Variants in PCDHA4 observed in about 807,000 individuals in gnomAD.
PCDHA4 encodes the protein protocadherin alpha-4.
PCDHA4 carries 49 observed loss-of-function variants against 61.4 expected under a neutral mutation model. That is an observed-to-expected ratio of 0.80 (90% CI 0.63 to 1.01). The LOEUF (loss-of-function observed/expected upper bound fraction) is 1.01. PCDHA4 is among the 50% of genes least tolerant of loss of function. The pLI is 0.00. For synonymous variants in PCDHA4, 590 were observed against 550.3 expected (o/e 1.07, Z -1.01); for missense variants, 1,254 against 1,235.8 (o/e 1.01, Z -0.22).
intron 1 of PCDHA4, chr5:140,823,149 G>A: frequency 1.2e-6 from 2 of 1,613,920 alleles, no homozygotes; most frequent in Non-Finnish European, 1.7e-6. Context: ...CGCAGCCCCA[G>A]TATACCGTGT....
At chr5:140,826,012 A>G (rs1554130428) in intron 1 of PCDHA4, among the ~76,000 whole-genome samples, 3 of 152,212 alleles carry the variant, frequency 2.0e-5, no homozygotes, top group Non-Finnish European at 4.4e-5. Context: ...CACACTTTAC[A>G]TGATAAAATG....
chr5:140,856,448 G>GT (rs1562509895), intron 1 of PCDHA4: 1 of 1,598,390 alleles, frequency 6.3e-7, no homozygotes, highest in East Asian at 2.2e-5. Flanking sequence ...CAGGTTCTCC[G>GT]TAACAGAACA....
At chr5:140,989,325 G>A (rs1389327103) in intron 3 of PCDHA4, among the ~76,000 whole-genome samples, 5 of 152,164 alleles carry the variant, frequency 3.3e-5, no homozygotes, top group African/African-American at 1.2e-4. Flanking sequence ...CACCAACTTT[G>A]CCACCTGACT....
chr5:140,875,218 C>T (rs2055357705), intron 1 of PCDHA4: 1 of 744,910 alleles, frequency 1.3e-6, no homozygotes, highest in South Asian at 3.4e-5. Flanking sequence ...CGAAAAGAAC[C>T]TCAGGATCTT....
chr5:140,928,513 A>AT (rs1563106002), intron 1 of PCDHA4: 1 of 1,614,182 alleles, frequency 6.2e-7, no homozygotes, highest in South Asian at 1.1e-5. Flanking sequence ...AACAGTGACT[A>AT]TAAACTTGTT....
At chr5:140,947,769 A>G (rs2094173274) in intron 1 of PCDHA4, among the ~76,000 whole-genome samples, 1 of 151,626 alleles carries the variant, frequency 6.6e-6, no homozygotes, top group South Asian at 2.1e-4. Context: ...AAAAAATTCT[A>G]TTGTAAATGG....
In PCDHA4 at chr5:141,005,071, G is replaced by A. The variant is rs115656219; in HGVS notation, c.2534-4556G>A. On this transcript the variant is annotated intron_variant, in intron 3 of 3. Coordinates refer to ENST00000530339, the MANE Select transcript of PCDHA4 (RefSeq NM_018907.4). ...TACTGAATTCTTGCATTGTGCTAAG[G>A]ATCAAGCTTAGTACTTTACATGCAT... 5.2e-3 allele frequency among the ~76,000 whole-genome samples: 796 copies of A among 152,278 alleles called. 8 individuals are homozygous for A. The highest frequency in any genetic ancestry group is 0.018 in the African/African-American group (745 of 41,556).
intron 1 of PCDHA4, among the ~76,000 whole-genome samples, chr5:140,826,052 T>C (rs2150142347): frequency 8.5e-5 from 13 of 152,216 alleles, no homozygotes; most frequent in Non-Finnish European, 1.8e-4. Flanking sequence ...GCTTTGCCTG[T>C]TTCTTTTATT....
chr5:140,928,513 A>G lies in PCDHA4; in HGVS notation c.2386-50436A>G, dbSNP rs781867292. On this transcript the variant is annotated intron_variant, in intron 1 of 3. Transcript: ENST00000530339. ...TCCTCCCAGAAGTGCAACAGTGACTATAAACTTGTTTGTGGTAGATAGGAA... is the reference window on the plus strand; with the variant it reads ...TCCTCCCAGAAGTGCAACAGTGACTGTAAACTTGTTTGTGGTAGATAGGAA... 1.4e-5 allele frequency: 23 copies of G among 1,614,064 alleles called. No individual in the cohort carries two copies. In the African/African-American group the frequency reaches 2.8e-4, roughly 20 times the overall value.
chr5:140,941,841 A>G (rs1483251367), intron 1 of PCDHA4, among the ~76,000 whole-genome samples: 1 of 152,180 alleles, frequency 6.6e-6, no homozygotes, highest in Non-Finnish European at 1.5e-5. Flanking sequence ...TTAGGCTGCC[A>G]TTACCTGATA....
intron 3 of PCDHA4, among the ~76,000 whole-genome samples, chr5:140,998,715 C>T (rs535565356): frequency 2.6e-5 from 4 of 152,236 alleles, no homozygotes; most frequent in African/African-American, 9.6e-5. Flanking sequence ...CAAGCTTGCA[C>T]CACCACGCTA....
In PCDHA4 at chr5:140,843,928, G is replaced by A. The variant is rs1028169690; in HGVS notation, c.2385+34356G>A. 7.7e-5 allele frequency: 45 copies of A among 584,434 alleles called. 4 individuals carry two copies. The highest frequency in any genetic ancestry group is 1.3e-4 in the Non-Finnish European group (44 of 335,490). The allele number at this position is 584,434 out of a possible 1,614,324, so 36.2% of individuals were successfully genotyped here. ...AAGTTGGGTCTATCTTGAAACTCAA[G>A]TTATGGTTGGATGATATCCATTTTT... On this transcript the variant is annotated intron_variant, in intron 1 of 3. Coordinates refer to ENST00000530339, the MANE Select transcript of PCDHA4 (RefSeq NM_018907.4).
At chr5:140,928,469 A>G in intron 1 of PCDHA4, 1 of 1,614,144 alleles carries the variant, frequency 6.2e-7, no homozygotes, top group Non-Finnish European at 8.5e-7. Context: ...TTCCAAGTAG[A>G]AGGCCGGGAT....
rs1764134121 is a variant in PCDHA4, at chr5:140,808,266, G to T, written c.1079G>T (p.Arg360Ile). ...LEFKSLSLPI[R>I]EDAPLGTVIA... is the part of the protein sequence containing the mutation. Reference sequence around the variant, plus strand: ...TTCAAGTCTTTATCACTTCCAATTAGAGAGGACGCTCCACTGGGTACAGTC... The same window carrying T: ...TTCAAGTCTTTATCACTTCCAATTATAGAGGACGCTCCACTGGGTACAGTC... The change falls in exon 1 of 4, where the codon AGA (arginine) becomes ATA (isoleucine). Residue 360 changes from arginine to isoleucine, a missense_variant. Transcript: ENST00000530339. 1 of 1,614,128 alleles carries T rather than the reference G, an allele frequency of 6.2e-7. No homozygotes were observed. The highest frequency in any genetic ancestry group is 8.5e-7 in the Non-Finnish European group (1 of 1,180,058).
At chr5:140,870,435 G>A in intron 1 of PCDHA4, 1 of 1,614,252 alleles carries the variant, frequency 6.2e-7, no homozygotes, top group South Asian at 1.1e-5. Context: ...CCGTGGAGGT[G>A]GCCGACGTGA....
chr5:140,809,151 G>A lies in PCDHA4; in HGVS notation c.1964G>A (p.Gly655Asp), dbSNP rs370475370. The part of the protein sequence containing the change: ...HRLLVLVKDH[G>D]EPALTATATV... ...CTACTGGTACTGGTGAAGGACCACGGCGAGCCCGCGCTGACGGCCACGGCC... is the reference window on the plus strand; with the variant it reads ...CTACTGGTACTGGTGAAGGACCACGACGAGCCCGCGCTGACGGCCACGGCC... Residue 655 changes from glycine (G) to aspartate (D), a missense_variant, in exon 1 of 4, where the codon GGC (glycine) becomes GAC (aspartate). Physicochemically the swap from Gly to Asp is moderately conservative, Grantham distance 94. Coordinates refer to ENST00000530339, the MANE Select transcript of PCDHA4 (RefSeq NM_018907.4). 1.9e-6 allele frequency: 3 copies of A among 1,613,852 alleles called. No individual in the cohort carries two copies. The highest frequency in any genetic ancestry group is 2.7e-5 in the African/African-American group (2 of 74,940).
At chr5:140,927,147 G>T (rs1554204095) in intron 1 of PCDHA4, 5 of 1,614,162 alleles carry the variant, frequency 3.1e-6, no homozygotes, top group Non-Finnish European at 4.2e-6. Context: ...ACCGCGAACA[G>T]CTGTGCAGGG....
Position 140,887,790 on chromosome 5 carries a change from T to C in PCDHA4, c.2385+78218T>C, listed in dbSNP as rs564215639. On this transcript the variant is annotated intron_variant, in intron 1 of 3. Coordinates refer to ENST00000530339, the MANE Select transcript of PCDHA4 (RefSeq NM_018907.4). ...ACAATGACACAGGTCATTGAAGCGT[T>C]CTTTATTTTTGTCCATTTCTTTCTC... Among the ~76,000 whole-genome samples, 4 of 152,288 alleles carry C rather than the reference T, an allele frequency of 2.6e-5. No individual in the cohort carries two copies. The East Asian group carries it at 7.7e-4, about 29-fold the overall frequency.
intron 1 of PCDHA4, chr5:140,927,901 GC>G (rs1423958386): frequency 3.1e-6 from 5 of 1,614,084 alleles, no homozygotes; most frequent in Non-Finnish European, 4.2e-6. Context: ...GAACGATCAT[GC>G]CCCCGAACTG....
Sources: allele counts gnomAD v4.1 joint callset (sites outside exome capture counted in the v4.1 genomes callset), GRCh38; gene constraint gnomAD v4.1.1; transcripts MANE v1.5; gene names NCBI Gene and HGNC (gene_info 2026-07-23, HGNC 2026-07-21).